Variants in HOOK3 observed in about 807,000 individuals in gnomAD.
HOOK3 encodes hook microtubule tethering protein 3.
In HOOK3, 24 loss-of-function variants were observed where a neutral mutation model predicts 116.3. That is an observed-to-expected ratio of 0.21 (90% CI 0.15 to 0.29). HOOK3 has a LOEUF of 0.29. Among genes scored for constraint, HOOK3 ranks in the 10% least tolerant of loss-of-function variants. The pLI, the probability that HOOK3 is intolerant of heterozygous loss-of-function variation, is 1.00. For missense variants in HOOK3, 632 were observed against 830.2 expected (o/e 0.76, Z 2.93); for synonymous variants, 275 against 283.0 (o/e 0.97, Z 0.28).
At chr8:42,919,239 G>A (rs1268294736) in intron 2 of HOOK3, among the ~76,000 whole-genome samples, 6 of 150,824 alleles carry the variant, frequency 4.0e-5, no homozygotes, top group East Asian at 2.0e-4. Context: ...GGCGGCTTCC[G>A]GGCAGAGGGG....
chr8:43,021,360 G>A lies in HOOK3; in HGVS notation c.*2862G>A, dbSNP rs938966867. On this transcript the variant is annotated 3_prime_UTR_variant, in exon 22 of 22. Transcript: ENST00000307602. ...GTTCCGTCACCCAGGCTGTAGTGCC[G>A]TGGCATGATCTCGGCTCACTGCAGC... 6.1e-5 allele frequency: 11 copies of A among 181,492 alleles called. No homozygotes were observed. Among genetic ancestry groups the A allele is most frequent in the African/African-American group, 2.4e-4 (10 of 42,182 alleles). The allele number at this position is 181,492 out of a possible 1,614,324, so 11.2% of individuals were successfully genotyped here.
At chr8:42,957,494 A>T (rs1169661149) in intron 7 of HOOK3, among the ~76,000 whole-genome samples, 1 of 152,084 alleles carries the variant, frequency 6.6e-6, no homozygotes, top group East Asian at 1.9e-4. Context: ...AACACAATAG[A>T]TGTTACAGCT....
intron 2 of HOOK3, among the ~76,000 whole-genome samples, chr8:42,909,828 GTAAA>G (rs147754143): frequency 0.015 from 2,322 of 152,298 alleles, 31 homozygotes; most frequent in Non-Finnish European, 0.022. Context: ...ATTGTGCTAA[GTAAA>G]TAAGCCAGGG....
intron 17 of HOOK3, among the ~76,000 whole-genome samples, chr8:43,005,723 G>T (rs1180964845): frequency 1.3e-5 from 2 of 151,852 alleles, no homozygotes; most frequent in Non-Finnish European, 2.9e-5. Context: ...TTGAGACGGA[G>T]TTTCACTCTG....
chr8:42,936,632 C>T (rs1420003290), intron 4 of HOOK3, among the ~76,000 whole-genome samples: 2 of 152,168 alleles, frequency 1.3e-5, no homozygotes, highest in East Asian at 3.8e-4. Flanking sequence ...GCCTTTTCTG[C>T]ATCTATTGAG....
chr8:43,018,316 A>T (rs2130496867), intron 21 of HOOK3, 42 bp from the exon 22 acceptor site: 1 of 1,533,166 alleles, frequency 6.5e-7, no homozygotes, highest in East Asian at 2.3e-5. Context: ...AGTATGTTCC[A>T]CTATTTTTTC....
chr8:42,931,946 G>A (rs1180387205), intron 4 of HOOK3, among the ~76,000 whole-genome samples: 2 of 152,058 alleles, frequency 1.3e-5, no homozygotes, highest in African/African-American at 4.8e-5. Flanking sequence ...GTAGAGACAG[G>A]GTTTCACCAT....
chr8:42,931,500 C>T (rs1230572660), intron 4 of HOOK3, among the ~76,000 whole-genome samples: 1 of 142,822 alleles, frequency 7.0e-6, no homozygotes, highest in Non-Finnish European at 1.5e-5. Flanking sequence ...GGCGCAATCT[C>T]AGCTCACTGC....
intron 2 of HOOK3, among the ~76,000 whole-genome samples, chr8:42,913,425 A>G (rs747825308): frequency 2.7e-4 from 41 of 152,186 alleles, no homozygotes; most frequent in Admixed American, 4.6e-4. Flanking sequence ...CATGTAGTAT[A>G]ATTTTGTGAT....
chr8:42,902,417 G>A (rs1185181753), intron 1 of HOOK3, among the ~76,000 whole-genome samples: 1 of 151,800 alleles, frequency 6.6e-6, no homozygotes, highest in African/African-American at 2.4e-5. Context: ...GACTACAGGC[G>A]TGACCCACCA....
intron 13 of HOOK3, among the ~76,000 whole-genome samples, chr8:42,982,124 G>A (rs1324554513): frequency 1.3e-5 from 2 of 150,258 alleles, no homozygotes; most frequent in African/African-American, 2.4e-5. Context: ...GCGTGGTGGC[G>A]GGCGCCTGTA....
chr8:42,978,980 A>G (rs1808881284), intron 13 of HOOK3, among the ~76,000 whole-genome samples: 1 of 152,230 alleles, frequency 6.6e-6, no homozygotes, highest in Non-Finnish European at 1.5e-5. Context: ...GATATGGGCC[A>G]GGCATGGTGG....
At chr8:42,975,528 AC>A (rs1327358334) in intron 13 of HOOK3, among the ~76,000 whole-genome samples, 1 of 152,170 alleles carries the variant, frequency 6.6e-6, no homozygotes, top group Non-Finnish European at 1.5e-5. Context: ...GGATAGATTT[AC>A]CCAGAAAGGC....
chr8:42,964,402 C>G lies in HOOK3; in HGVS notation c.707C>G (p.Pro236Arg). 1 of 1,614,048 alleles carries G rather than the reference C, an allele frequency of 6.2e-7. No individual in the cohort carries two copies. Among genetic ancestry groups the G allele is most frequent in the South Asian group, 1.1e-5 (1 of 91,084 alleles). ...RLNQSDSIEDPNSPAGRRHLQ... is the reference protein window; with the variant it reads ...RLNQSDSIEDRNSPAGRRHLQ... ...AATCAATCTGATTCTATAGAAGACC[C>G]TAACAGTCCAGCAGGAAGAAGGCAT... is the stretch of plus-strand genomic sequence containing the variant. Residue 236 changes from proline to arginine, a missense_variant, in exon 9 of 22, where the codon CCT (proline) becomes CGT (arginine). By Grantham distance (103) the Pro-to-Arg change is moderately radical (BLOSUM62 -2). Coordinates refer to ENST00000307602, the MANE Select transcript of HOOK3 (RefSeq NM_032410.4).
rs72647252 is a variant in HOOK3, at chr8:42,995,954, A to G, written c.1533-1596A>G. Among the ~76,000 whole-genome samples, 1,211 of 152,170 alleles carry G rather than the reference A, an allele frequency of 8.0e-3. 9 individuals carry two copies. The highest frequency in any genetic ancestry group is 0.01 in the Non-Finnish European group (700 of 68,020). On this transcript the variant is annotated intron_variant, in intron 15 of 21. Coordinates refer to ENST00000307602, the MANE Select transcript of HOOK3 (RefSeq NM_032410.4). ...GATACTATCTTCCATTTTAAAACCA[A>G]AGTGATCTGTCTGACATACTACCTG... is the stretch of plus-strand genomic sequence containing the variant.
At chr8:42,944,599 T>A (rs1808189236) in intron 5 of HOOK3, among the ~76,000 whole-genome samples, 1 of 151,958 alleles carries the variant, frequency 6.6e-6, no homozygotes, top group Non-Finnish European at 1.5e-5. Flanking sequence ...GGCAGGTGGA[T>A]CACAAAGTCA....
rs71523507 is a variant in HOOK3, at chr8:43,017,559, C to A, written c.2017-799C>A. Among the ~76,000 whole-genome samples the A allele has an allele frequency of 4.7e-3, 713 of 152,336 alleles. 4 individuals carry two copies. Among genetic ancestry groups the A allele is most frequent in the Non-Finnish European group, 5.4e-3 (370 of 68,038 alleles). ...GGGGTTACAGGCATGAGCCACTACT[C>A]AGTTCTTAATGTTTCTCTGGCTAGG... On this transcript the variant is annotated intron_variant, in intron 21 of 21. Transcript: ENST00000307602.
At chr8:42,941,311 C>G (rs973456794) in intron 4 of HOOK3, among the ~76,000 whole-genome samples, 4 of 149,730 alleles carry the variant, frequency 2.7e-5, no homozygotes, top group Non-Finnish European at 1.5e-5. Flanking sequence ...GTCAGGAGAT[C>G]TAGACCATCC....
At chr8:42,946,623 TC>T (rs1334126442) in intron 5 of HOOK3, among the ~76,000 whole-genome samples, 1 of 152,102 alleles carries the variant, frequency 6.6e-6, no homozygotes, top group Non-Finnish European at 1.5e-5. Context: ...TTTTTGGTGT[TC>T]CATGGTAAGT....
Sources: allele counts gnomAD v4.1 joint callset (sites outside exome capture counted in the v4.1 genomes callset), GRCh38; gene constraint gnomAD v4.1.1; transcripts MANE v1.5; gene names NCBI Gene and HGNC (gene_info 2026-07-23, HGNC 2026-07-21).